The following N4BP2 variants were observed in gnomAD, a reference collection of about 807,000 sequenced individuals.
N4BP2 encodes the protein NEDD4-binding protein 2.
N4BP2 carries 91 observed loss-of-function variants against 152.8 expected under a neutral mutation model. The ratio of observed to expected loss-of-function variants is 0.60; its 90% CI spans 0.50 to 0.71. The LOEUF is 0.71. N4BP2 is among the 30% of genes least tolerant of loss of function. The pLI is 0.00. For synonymous variants in N4BP2, 646 were observed against 705.3 expected, an observed-to-expected ratio of 0.92 and a Z score of 1.33; for missense variants, 1,923 against 2,059.1, an observed-to-expected ratio of 0.93 and a Z score of 1.28.
chr4:40,158,316 T>C (rs1721757106), downstream of N4BP2: 1 of 152,226 alleles, frequency 6.6e-6, no homozygotes, highest in African/African-American at 2.4e-5. Flanking sequence ...TTTTAAAATA[T>C]TTTCATGTCT....
intron 15 of N4BP2, among the ~76,000 whole-genome samples, chr4:40,144,171 G>C (rs1720299401): frequency 6.6e-6 from 1 of 152,274 alleles, no homozygotes; most frequent in African/African-American, 2.4e-5. Flanking sequence ...GTCTTAGCCA[G>C]CCTCCAGCTG....
chr4:40,162,837 G>A (rs576031614), downstream of N4BP2, among the ~76,000 whole-genome samples: 3 of 152,148 alleles, frequency 2.0e-5, no homozygotes, highest in Non-Finnish European at 4.4e-5. Flanking sequence ...GGAGAACTAG[G>A]GAAGCCAGTA....
At chr4:40,143,566 G>T (rs915467631) in intron 15 of N4BP2, among the ~76,000 whole-genome samples, 2 of 152,162 alleles carry the variant, frequency 1.3e-5, no homozygotes, top group Non-Finnish European at 2.9e-5. Flanking sequence ...CTCCCAAAGT[G>T]CTGGGATTAC....
chr4:40,083,126 A>G, intron 2 of N4BP2: 1 of 67,046 alleles, frequency 1.5e-5, no homozygotes, highest in East Asian at 4.9e-4. Flanking sequence ...CAGACATAGA[A>G]AAAGGAAAAA....
At chr4:40,146,120 G>A (rs1017944711) in intron 16 of N4BP2, among the ~76,000 whole-genome samples, 26 of 151,960 alleles carry the variant, frequency 1.7e-4, no homozygotes, top group Admixed American at 1.1e-3. Context: ...CCAAGATCAC[G>A]CCACTGCCCT....
At chr4:40,094,678 G>C (rs1207877602) in intron 2 of N4BP2, among the ~76,000 whole-genome samples, 4 of 151,804 alleles carry the variant, frequency 2.6e-5, no homozygotes, top group African/African-American at 4.8e-5. Flanking sequence ...TTAGCCTCTC[G>C]AGTAGCTGGG....
At chr4:40,100,902 G>T (rs1715585336) in intron 3 of N4BP2, among the ~76,000 whole-genome samples, 1 of 152,134 alleles carries the variant, frequency 6.6e-6, no homozygotes, top group South Asian at 2.1e-4. Context: ...TGCTATGACT[G>T]GTAGTTTCCT....
the N4BP2 span, among the ~76,000 whole-genome samples, chr4:40,166,308 A>G: frequency 1.3e-5 from 2 of 152,184 alleles, no homozygotes; most frequent in Non-Finnish European, 2.9e-5. Flanking sequence ...CTGTGGGGTC[A>G]GAGGTAGGAG....
chr4:40,162,867 T>G (rs185089538), downstream of N4BP2, among the ~76,000 whole-genome samples: 30 of 152,270 alleles, frequency 2.0e-4, no homozygotes, highest in African/African-American at 7.2e-4. Context: ...AGTACAAGTC[T>G]GAAGGCCACA....
intron 2 of N4BP2, among the ~76,000 whole-genome samples, chr4:40,090,386 G>C (rs986147849): frequency 2.6e-5 from 4 of 152,080 alleles, no homozygotes; most frequent in African/African-American, 9.7e-5. Flanking sequence ...CATATTTACT[G>C]TGTTGTCTTC....
intron 12 of N4BP2, among the ~76,000 whole-genome samples, chr4:40,127,516 G>A (rs1171699193): frequency 2.0e-5 from 3 of 151,994 alleles, no homozygotes; most frequent in Non-Finnish European, 4.4e-5. Flanking sequence ...TGCCCAGCCA[G>A]CTGCATCTTT....
downstream of N4BP2, among the ~76,000 whole-genome samples, chr4:40,162,232 T>G (rs1560660000): frequency 6.6e-6 from 1 of 152,208 alleles, no homozygotes; most frequent in Non-Finnish European, 1.5e-5. Flanking sequence ...CTGGGTGTGG[T>G]GGCTTATGCC....
the N4BP2 span, among the ~76,000 whole-genome samples, chr4:40,178,703 G>T: frequency 6.6e-6 from 1 of 152,252 alleles, no homozygotes; most frequent in Non-Finnish European, 1.5e-5. Flanking sequence ...GGTTTGAACA[G>T]ACTCCGTCTG....
At chr4:40,060,102 G>C (rs1293606243) in intron 1 of N4BP2, among the ~76,000 whole-genome samples, 1 of 151,664 alleles carries the variant, frequency 6.6e-6, no homozygotes, top group Admixed American at 6.6e-5. Flanking sequence ...TCAAGGCGCT[G>C]AGATTACAGG....
At chr4:40,172,055 C>T in the N4BP2 span, among the ~76,000 whole-genome samples, 24 of 152,070 alleles carry the variant, frequency 1.6e-4, no homozygotes, top group African/African-American at 4.8e-4. Flanking sequence ...TATAGGCATG[C>T]GCCACCACAC....
At chr4:40,106,617 C>G (rs1471030071) in intron 4 of N4BP2, among the ~76,000 whole-genome samples, 1 of 152,056 alleles carries the variant, frequency 6.6e-6, no homozygotes, top group East Asian at 1.9e-4. Flanking sequence ...GGCGCAATCT[C>G]AGCTCACTGC....
chr4:40,097,784 C>G (rs986795745), intron 3 of N4BP2, among the ~76,000 whole-genome samples: 6 of 152,082 alleles, frequency 3.9e-5, no homozygotes, highest in African/African-American at 1.4e-4. Context: ...ATGTGCAGTT[C>G]TAGGTGTAAG....
At chr4:40,150,105 T>A (rs1579156263) in intron 16 of N4BP2, among the ~76,000 whole-genome samples, 1 of 152,114 alleles carries the variant, frequency 6.6e-6, no homozygotes, top group African/African-American at 2.4e-5. Context: ...AGTGGAAGAT[T>A]TGTGGCTCTG....
intron 2 of N4BP2, among the ~76,000 whole-genome samples, chr4:40,078,666 C>T (rs1219183496): frequency 6.6e-6 from 1 of 151,952 alleles, no homozygotes; most frequent in Non-Finnish European, 1.5e-5. Context: ...GCTGGGACTA[C>T]AGGTGTGCAC....
Sources: allele counts gnomAD v4.1 joint callset (sites outside exome capture counted in the v4.1 genomes callset), GRCh38; gene constraint gnomAD v4.1.1; transcripts MANE v1.5; gene names NCBI Gene and HGNC (gene_info 2026-07-23, HGNC 2026-07-21).